DCBLD1: variants seen among roughly 807,000 people sequenced by gnomAD.
The protein encoded by DCBLD1 is discoidin, CUB and LCCL domain-containing protein 1.
Under a neutral mutation model 71.5 loss-of-function variants are expected in DCBLD1, and 57 were observed. That is an observed-to-expected ratio of 0.80 (90% CI 0.64 to 0.99). The LOEUF (loss-of-function observed/expected upper bound fraction) is 0.99, where lower values mean the gene tolerates loss of function less well. DCBLD1 is among the 50% of genes least tolerant of loss of function. DCBLD1 has a pLI of 0.00. For synonymous variants in DCBLD1, 380 were observed against 363.8 expected (o/e 1.04, Z -0.51); for missense variants, 891 against 923.5 (o/e 0.96, Z 0.46).
chr6:117,543,963 CA>C (rs1779182572), intron 12 of DCBLD1, among the ~76,000 whole-genome samples: 1 of 151,958 alleles, frequency 6.6e-6, no homozygotes, highest in Non-Finnish European at 1.5e-5. Context: ...TGGATCTAAA[CA>C]AAAAATGGAA....
At chr6:117,516,027 C>T (rs1158394278) in intron 2 of DCBLD1, among the ~76,000 whole-genome samples, 1 of 151,980 alleles carries the variant, frequency 6.6e-6, no homozygotes, top group Non-Finnish European at 1.5e-5. Context: ...ACTTATATAG[C>T]TCTTACTATG....
At chr6:117,509,619 G>A (rs1224601078) in intron 2 of DCBLD1, among the ~76,000 whole-genome samples, 1 of 151,810 alleles carries the variant, frequency 6.6e-6, no homozygotes, top group African/African-American at 2.4e-5. Context: ...CCTCTTCCCA[G>A]CCGCCTCTTC....
chr6:117,488,973 G>A (rs1404865131), intron 1 of DCBLD1, among the ~76,000 whole-genome samples: 1 of 152,156 alleles, frequency 6.6e-6, no homozygotes, highest in Non-Finnish European at 1.5e-5. Context: ...TTCCTTAGGA[G>A]CTACATGCTG....
intron 2 of DCBLD1, among the ~76,000 whole-genome samples, chr6:117,508,751 C>T (rs1385550754): frequency 1.3e-5 from 2 of 152,150 alleles, no homozygotes; most frequent in Admixed American, 6.5e-5. Context: ...GAAAGGTGAC[C>T]TCCACACTGG....
chr6:117,541,920 T>C (rs1036733864), intron 11 of DCBLD1, among the ~76,000 whole-genome samples: 1 of 152,192 alleles, frequency 6.6e-6, no homozygotes, highest in Non-Finnish European at 1.5e-5. Flanking sequence ...TTCACATGGA[T>C]AAACCATTAT....
rs573582445 is a variant in DCBLD1 at position 117,568,445 on chromosome 6, A to T, written c.1616-1175A>T. ...TACCTCAGAATTTTAATATGTGCTT[A>T]GTTAGCATTTCCTTAAAACTTATGG... On this transcript the variant is annotated intron_variant, in intron 14 of 14. Coordinates refer to the DCBLD1 transcript ENST00000296955. Among the ~76,000 whole-genome samples, 3 of 152,318 alleles carry T rather than the reference A, an allele frequency of 2.0e-5. No individual in the cohort carries two copies. In the South Asian group the frequency reaches 6.2e-4, roughly 32 times the overall value.
Position 117,482,699 on chromosome 6 carries a change from A to C in DCBLD1, c.-83A>C. ...GTCCCGGCGCCGCGCTCGTCCGCAG[A>C]GGAGGCGGCCCGGCCCGGGCAGCTG... On this transcript the variant is annotated 5_prime_UTR_variant, in exon 1 of 15. Transcript: ENST00000338728. 1 of 1,091,434 alleles carries C rather than the reference A, an allele frequency of 9.2e-7. No individual in the cohort carries two copies. Among genetic ancestry groups the C allele is most frequent in the Non-Finnish European group, 1.1e-6 (1 of 899,118 alleles). The allele number at this position is 1,091,434 out of a possible 1,614,324, so 67.6% of individuals were successfully genotyped here.
At chr6:117,537,122 T>C (rs570724526) in intron 6 of DCBLD1, 63 bp from the exon 7 acceptor site, 4 of 1,539,576 alleles carry the variant, frequency 2.6e-6, no homozygotes, top group Non-Finnish European at 2.7e-6. Flanking sequence ...GGGATGTAGC[T>C]ATATTAGTCA....
Position 117,548,662 on chromosome 6 carries a change from G to A in DCBLD1, c.*223G>A. 2 of 1,417,332 alleles carry A rather than the reference G, an allele frequency of 1.4e-6. No individual in the cohort carries two copies. The highest frequency in any genetic ancestry group is 1.8e-6 in the Non-Finnish European group (2 of 1,092,418). 87.8% of individuals were successfully genotyped at this position (1,417,332 alleles called of 1,614,324 possible). A position where few individuals can be genotyped will look rare whatever the true frequency, so the allele number is the denominator to read the frequency against. On this transcript the variant is annotated 3_prime_UTR_variant, in exon 15 of 15. Coordinates refer to ENST00000338728, the MANE Select transcript of DCBLD1 (RefSeq NM_001366458.2). ...CCTTAGGGTGCGTCTGTTGGGTTTT[G>A]TTGGGCTAGAAAAATGAAAATTTTC...
intron 5 of DCBLD1, among the ~76,000 whole-genome samples, chr6:117,525,775 G>T (rs928904003): frequency 6.6e-6 from 1 of 152,140 alleles, no homozygotes; most frequent in Non-Finnish European, 1.5e-5. Flanking sequence ...TAGAGCAAAG[G>T]ACATGAATAT....
downstream of DCBLD1, among the ~76,000 whole-genome samples, chr6:117,551,661 G>C (rs1322493214): frequency 6.6e-6 from 1 of 152,172 alleles, no homozygotes; most frequent in Non-Finnish European, 1.5e-5. Context: ...TTACAGGCGT[G>C]AGCCACCGCG....
At position 117,532,308 on chromosome 6, in the gene DCBLD1, G is replaced by T; in HGVS notation, c.634G>T (p.Glu212Ter). The T allele has an allele frequency of 6.2e-7, 1 of 1,613,756 alleles. No individual in the cohort carries two copies. The highest frequency in any genetic ancestry group is 2.2e-5 in the East Asian group (1 of 44,884). Residue 212 changes from glutamate to a stop codon, truncating the protein, a stop_gained, in exon 6 of 15, where the codon GAA becomes TAA. Coordinates refer to ENST00000338728, the MANE Select transcript of DCBLD1 (RefSeq NM_001366458.2). LOFTEE classifies it high-confidence loss of function. ...CATCCATGCAGGAATAATTGCTGAT[G>T]AACTAGGTGGCCAGATCAGTGTGCT... is the stretch of plus-strand genomic sequence containing the variant. ...AAIHAGIIAD[E>*]LGGQISVLQR...
intron 4 of DCBLD1, among the ~76,000 whole-genome samples, chr6:117,525,129 G>C (rs1164774477): frequency 6.6e-6 from 1 of 152,058 alleles, no homozygotes; most frequent in Non-Finnish European, 1.5e-5. Context: ...GAAGCTCATT[G>C]TTTAATAGAC....
intron 2 of DCBLD1, among the ~76,000 whole-genome samples, chr6:117,506,125 G>A (rs1335633217): frequency 2.0e-5 from 3 of 151,872 alleles, no homozygotes; most frequent in Non-Finnish European, 4.4e-5. Context: ...TGTATGCCAG[G>A]CACCTGCTTG....
At position 117,549,251 on chromosome 6, in the gene DCBLD1, G is replaced by A; in HGVS notation, c.*812G>A. ...ATTAAAAATATTGCTGAGGTCAGAC[G>A]CCACAATTTTCATGACTTTCTTCAG... On this transcript the variant is annotated 3_prime_UTR_variant, in exon 15 of 15. Coordinates refer to ENST00000338728, the MANE Select transcript of DCBLD1 (RefSeq NM_001366458.2). The A allele has an allele frequency of 2.0e-6, 2 of 985,372 alleles. No individual in the cohort carries two copies. Among genetic ancestry groups the A allele is most frequent in the Non-Finnish European group, 2.4e-6 (2 of 829,928 alleles). 61.0% of individuals were successfully genotyped at this position (985,372 alleles called of 1,614,324 possible). A position where few individuals can be genotyped will look rare whatever the true frequency, so the allele number is the denominator to read the frequency against.
chr6:117,548,009 A>C lies in DCBLD1; in HGVS notation c.1718A>C (p.Asp573Ala). 6.4e-7 allele frequency: 1 copy of C among 1,550,428 alleles called. No individual in the cohort carries two copies. Among genetic ancestry groups the C allele is most frequent in the Non-Finnish European group, 8.7e-7 (1 of 1,146,896 alleles). Reference sequence around the variant, plus strand: ...GCCGAGGAGGCAGGGGTGAGCACCGATGCCGGCGGCCACTATGACTGCCCG... The same window carrying C: ...GCCGAGGAGGCAGGGGTGAGCACCGCTGCCGGCGGCCACTATGACTGCCCG... ...TDAEEAGVSTDAGGHYDCPQR... is the reference protein window; with the variant it reads ...TDAEEAGVSTAAGGHYDCPQR... The change falls in exon 15 of 15, where the codon GAT (aspartate) becomes GCT (alanine). Residue 573 changes from aspartate (D) to alanine (A), a missense_variant. Physicochemically the swap from Asp to Ala is moderately radical, Grantham distance 126. Coordinates refer to ENST00000338728, the MANE Select transcript of DCBLD1 (RefSeq NM_001366458.2).
At chr6:117,502,369 C>T (rs1008611420) in intron 1 of DCBLD1, among the ~76,000 whole-genome samples, 1 of 152,236 alleles carries the variant, frequency 6.6e-6, no homozygotes, top group African/African-American at 2.4e-5. Flanking sequence ...CCAGGAATCT[C>T]GTGGGAGTTT....
intron 14 of DCBLD1, chr6:117,561,539 G>T: frequency 4.7e-6 from 1 of 214,058 alleles, no homozygotes; most frequent in Non-Finnish European, 9.5e-6. Flanking sequence ...GTCATGCATG[G>T]AAGGTATGTG....
chr6:117,493,449 A>G (rs936833424), intron 1 of DCBLD1, among the ~76,000 whole-genome samples: 1 of 152,334 alleles, frequency 6.6e-6, no homozygotes, highest in African/African-American at 2.4e-5. Flanking sequence ...ATAGTCTAGT[A>G]AAGAGTACTT....
Sources: allele counts gnomAD v4.1 joint callset (sites outside exome capture counted in the v4.1 genomes callset), GRCh38; gene constraint gnomAD v4.1.1; transcripts MANE v1.5; gene names NCBI Gene and HGNC (gene_info 2026-07-23, HGNC 2026-07-21).